GLOD5: variants seen among roughly 807,000 people sequenced by gnomAD.
GLOD5 encodes the protein glyoxalase domain-containing protein 5.
In GLOD5, 7 loss-of-function variants were observed where a neutral mutation model predicts 9.9. The ratio of observed to expected loss-of-function variants is 0.71; its 90% CI spans 0.40 to 1.33. GLOD5 has a LOEUF of 1.33. Ranked by LOEUF, GLOD5 falls within the 40% of genes most tolerant of loss-of-function variation. GLOD5 has a pLI of 0.01. For synonymous variants in GLOD5, 49 were observed against 47.3 expected (o/e 1.04, Z -0.14); for missense variants, 146 against 128.4 (o/e 1.14, Z -0.66).
At position 48,773,488 on chromosome X, in the gene GLOD5, C is replaced by T; in HGVS notation, c.*53C>T. On this transcript the variant is annotated 3_prime_UTR_variant, in exon 4 of 4. Coordinates refer to ENST00000303227, the MANE Select transcript of GLOD5 (RefSeq NM_001080489.3). ...CCCCTTGATGTCGCCCTCTCCTTTC[C>T]TTCCTGCAAACCCCCACCCAGGCCC... 1 of 1,171,294 alleles carries T rather than the reference C, an allele frequency of 8.5e-7. No individual in the cohort carries two copies. Among genetic ancestry groups the T allele is most frequent in the Non-Finnish European group, 1.2e-6 (1 of 865,833 alleles).
Position 48,773,311 on chromosome X carries a change from C to A in GLOD5, c.359C>A (p.Ala120Asp). 1 of 1,210,718 alleles carries A rather than the reference C, an allele frequency of 8.3e-7. No individual in the cohort carries two copies. The highest frequency in any genetic ancestry group is 1.1e-6 in the Non-Finnish European group (1 of 894,930). ...PLEEMIQHLK[A>D]CDVPIEEGPV... ...TTTTGTCTTTTCTTCCCACTTCAGG[C>A]TTGTGATGTCCCTATTGAGGAGGGG... Residue 120 changes from alanine (A) to aspartate (D), a missense_variant and splice_region_variant, in exon 4 of 4, where the codon GCT becomes GAT. Coordinates refer to ENST00000303227, the MANE Select transcript of GLOD5 (RefSeq NM_001080489.3).
intron 3 of GLOD5, among the ~76,000 whole-genome samples, chrX:48,771,918 T>C (rs886943203): frequency 9.8e-5 from 11 of 111,697 alleles, no homozygotes; most frequent in African/African-American, 3.2e-4. Context: ...CCAGTGTCTC[T>C]GTAATACTTA....
chrX:48,771,720 G>C (rs782755202), intron 3 of GLOD5, among the ~76,000 whole-genome samples: 10 of 112,063 alleles, frequency 8.9e-5, no homozygotes, highest in African/African-American at 3.2e-4. Context: ...AGCTATGAAA[G>C]CATAACAATG....
chrX:48,773,162 G>A (rs1261332410), intron 3 of GLOD5, 148 bp from the exon 4 acceptor site: 33 of 584,676 alleles, frequency 5.6e-5, no homozygotes, highest in Middle Eastern at 4.6e-4. Flanking sequence ...AGGAGGCAGC[G>A]GAGGTTGCAG....
At chrX:48,773,010 C>T (rs1009539626) in intron 3 of GLOD5, among the ~76,000 whole-genome samples, 7 of 110,046 alleles carry the variant, frequency 6.4e-5, no homozygotes, top group South Asian at 3.9e-4. Context: ...CTGAGGCGGG[C>T]GGATCACTTG....
Position 48,765,842 on chromosome X carries a change from G to A in GLOD5, c.71G>A (p.Arg24Lys), listed in dbSNP as rs782400252. 1 of 1,186,197 alleles carries A rather than the reference G, an allele frequency of 8.4e-7. No individual in the cohort carries two copies. Among genetic ancestry groups the A allele is most frequent in the Non-Finnish European group, 1.1e-6 (1 of 883,740 alleles). ...TTTTTTTTCTTTTTTTAGTCATGGAGGGACAGCAGTCAGACCCCTCCCCCA... is the reference window on the plus strand; with the variant it reads ...TTTTTTTTCTTTTTTTAGTCATGGAAGGACAGCAGTCAGACCCCTCCCCCA... ...WGRTLEKQSW[R>K]DSSQTPPPCL... The change falls in exon 2 of 4, where the codon AGG becomes AAG. Residue 24 changes from arginine to lysine, a missense_variant. By Grantham distance (26) the Arg-to-Lys change is conservative. Transcript: ENST00000303227.
intron 3 of GLOD5, among the ~76,000 whole-genome samples, chrX:48,772,842 T>C (rs1174175694): frequency 1.8e-5 from 2 of 110,669 alleles, no homozygotes; most frequent in African/African-American, 3.3e-5. Flanking sequence ...GCCATCTAGC[T>C]GATAAGTGGC....
intron 1 of GLOD5, among the ~76,000 whole-genome samples, chrX:48,764,607 G>A (rs1333702603): frequency 2.0e-5 from 2 of 101,739 alleles, no homozygotes; most frequent in Non-Finnish European, 4.0e-5. Flanking sequence ...GAGTCCGGTT[G>A]AGTGATCATA....
In GLOD5 at chrX:48,771,028, G is replaced by A; in HGVS notation, c.303G>A (p.Leu101=). 8.3e-7 allele frequency: 1 copy of A among 1,202,970 alleles called. No individual in the cohort carries two copies. The highest frequency in any genetic ancestry group is 1.1e-6 in the Non-Finnish European group (1 of 891,129). ...PKAAHPVPGS[L]DICLITEVPL... is the part of the protein sequence containing the mutation. ...CCGCTCACCCAGTTCCTGGCTCCCT[G>A]GACATATGTCTGATCACAGAGGTGC... is the stretch of plus-strand genomic sequence containing the variant. Residue 101 remains leucine, a synonymous_variant, in exon 3 of 4, where the codon CTG becomes CTA. Coordinates refer to ENST00000303227, the MANE Select transcript of GLOD5 (RefSeq NM_001080489.3).
At chrX:48,767,139 C>T (rs2062611689) in intron 2 of GLOD5, among the ~76,000 whole-genome samples, 1 of 106,464 alleles carries the variant, frequency 9.4e-6, no homozygotes, top group African/African-American at 3.4e-5. Flanking sequence ...AAGAAAGACC[C>T]CAGGAAAGAC....
intron 1 of GLOD5, among the ~76,000 whole-genome samples, chrX:48,764,719 T>C (rs2062604700): frequency 9.1e-6 from 1 of 109,366 alleles, no homozygotes; most frequent in Admixed American, 9.9e-5. Flanking sequence ...AATTTTCATA[T>C]TTTTTTGTAG....
At chrX:48,762,871 G>C (rs1381165697) in intron 1 of GLOD5, among the ~76,000 whole-genome samples, 1 of 111,802 alleles carries the variant, frequency 8.9e-6, no homozygotes, top group African/African-American at 3.2e-5. Flanking sequence ...TCTGAGCTAC[G>C]CTGGCCTTCC....
intron 2 of GLOD5, among the ~76,000 whole-genome samples, chrX:48,766,993 A>AAAAAAAAAAAAAAAAAAAAAC (rs2062611133): frequency 1.3e-5 from 1 of 77,119 alleles, no homozygotes; most frequent in Non-Finnish European, 2.5e-5. Context: ...CTCAAAAAAA[A>AAAAAAAAAAAAAAAAAAAAAC]AAAAAAAAAA....
chrX:48,763,590 G>A (rs930779566), intron 1 of GLOD5, among the ~76,000 whole-genome samples: 4 of 112,005 alleles, frequency 3.6e-5, no homozygotes, highest in Non-Finnish European at 5.6e-5. Context: ...CTACTAGGGA[G>A]GCTGAAGTAG....
intron 2 of GLOD5, among the ~76,000 whole-genome samples, chrX:48,769,229 C>T (rs915019866): frequency 3.7e-5 from 4 of 108,741 alleles, no homozygotes; most frequent in Non-Finnish European, 7.6e-5. Context: ...TGCAGCCAAG[C>T]GTGGTGGCTC....
intron 1 of GLOD5, among the ~76,000 whole-genome samples, chrX:48,765,138 A>T (rs2062605596): frequency 9.1e-6 from 1 of 110,321 alleles, no homozygotes; most frequent in Admixed American, 9.8e-5. Flanking sequence ...GGGCTGGGTA[A>T]AATTGGCCAA....
intron 1 of GLOD5, among the ~76,000 whole-genome samples, chrX:48,763,806 G>T (rs1031841087): frequency 8.9e-6 from 1 of 112,540 alleles, no homozygotes; most frequent in African/African-American, 3.2e-5. Flanking sequence ...TGTCCATGTG[G>T]ATCTTTTGTA....
intron 3 of GLOD5, 57 bp from the exon 4 acceptor site, chrX:48,773,253 T>G: frequency 8.5e-7 from 1 of 1,173,077 alleles, no homozygotes; most frequent in Admixed American, 2.5e-5. Flanking sequence ...AGGCATTAAA[T>G]TTTGGTCTCA....
chrX:48,770,909 C>T lies in GLOD5; in HGVS notation c.202-18C>T, dbSNP rs782180031. 5.2e-6 allele frequency: 6 copies of T among 1,155,838 alleles called. No individual in the cohort carries two copies. The highest frequency in any genetic ancestry group is 3.6e-5 in the African/African-American group (2 of 55,634). On this transcript the variant is annotated intron_variant, in intron 2 of 3. Transcript: ENST00000303227. ...GTTTAATTCTAGGCTGTTTTCTCTG[C>T]CCCTCCCCACCAAGTAGGAAGACCG...
Sources: allele counts gnomAD v4.1 joint callset (sites outside exome capture counted in the v4.1 genomes callset), GRCh38; gene constraint gnomAD v4.1.1; transcripts MANE v1.5; gene names NCBI Gene and HGNC (gene_info 2026-07-23, HGNC 2026-07-21).